CNOT6: variants seen among roughly 807,000 people sequenced by gnomAD.
The protein encoded by CNOT6 is carbon catabolite repression 4 protein.
CNOT6 carries 12 observed loss-of-function variants against 61.2 expected under a neutral mutation model. The ratio of observed to expected loss-of-function variants is 0.20; its 90% confidence interval spans 0.13 to 0.32. The LOEUF is 0.32. Ranked by LOEUF, CNOT6 falls within the 10% of genes least tolerant of loss-of-function variation. The pLI, the probability that CNOT6 is intolerant of heterozygous loss-of-function variation, is 1.00. For synonymous variants in CNOT6, 225 were observed against 240.6 expected (o/e 0.94, Z 0.60); for missense variants, 405 against 663.9 (o/e 0.61, Z 4.28).
At chr5:180,496,324 T>G (rs1756613549) in intron 1 of CNOT6, among the ~76,000 whole-genome samples, 1 of 152,180 alleles carries the variant, frequency 6.6e-6, no homozygotes. Context: ...GAACAGCTGC[T>G]AATGAGAAGA....
Position 180,576,515 on chromosome 5 carries a change from A to G in CNOT6, c.*2315A>G, listed in dbSNP as rs910943202. The G allele has an allele frequency of 2.6e-5, 4 of 152,634 alleles. No individual in the cohort carries two copies. The highest frequency in any genetic ancestry group is 9.6e-5 in the African/African-American group (4 of 41,454). 9.5% of individuals were successfully genotyped at this position (152,634 alleles called of 1,614,324 possible). On this transcript the variant is annotated 3_prime_UTR_variant, in exon 12 of 12. Coordinates refer to ENST00000261951, the MANE Select transcript of CNOT6 (RefSeq NM_001370472.1). Reference sequence around the variant, plus strand: ...ATTTGGGGCAGCATATTAAGATGTAATGGCCTGTTATGTCTTGAAAATACT... The same window carrying G: ...ATTTGGGGCAGCATATTAAGATGTAGTGGCCTGTTATGTCTTGAAAATACT...
At chr5:180,510,134 C>CTTTTTTTTTTTTTTTT (rs56899929) in intron 1 of CNOT6, among the ~76,000 whole-genome samples, 4 of 37,368 alleles carry the variant, frequency 1.1e-4, no homozygotes, top group Admixed American at 5.5e-4. Context: ...GTCTGTAAAC[C>CTTTTTTTTTTTTTTTT]TTTTTTTTTT....
Position 180,565,914 on chromosome 5 carries a change from C to T in CNOT6, c.654C>T (p.Asp218=), listed in dbSNP as rs1293926265. 3 of 1,613,746 alleles carry T rather than the reference C, an allele frequency of 1.9e-6. No individual in the cohort carries two copies. Among genetic ancestry groups the T allele is most frequent in the Admixed American group, 3.3e-5 (2 of 59,982 alleles). The change falls in exon 7 of 12, where the codon GAC becomes GAT. Residue 218 remains aspartate (D), a synonymous_variant. Coordinates refer to ENST00000261951, the MANE Select transcript of CNOT6 (RefSeq NM_001370472.1). ...GYCPSWALNW[D]YRKKAIIQEI... ...GTCCATCATGGGCGCTAAACTGGGA[C>T]TACAGGAAAAAGGCCATTATTCAAG...
At chr5:180,506,980 A>G (rs1757159563) in intron 1 of CNOT6, among the ~76,000 whole-genome samples, 2 of 152,346 alleles carry the variant, frequency 1.3e-5, no homozygotes, top group South Asian at 2.1e-4. Context: ...AACAGTAGAC[A>G]TGTTTTCGAG....
chr5:180,510,274 C>G (rs1263501027), intron 1 of CNOT6, among the ~76,000 whole-genome samples: 6 of 150,624 alleles, frequency 4.0e-5, no homozygotes, highest in Non-Finnish European at 8.8e-5. Flanking sequence ...AGCCTATCCT[C>G]CTACCTCAGC....
chr5:180,562,260 G>A (rs1180058960), intron 4 of CNOT6, among the ~76,000 whole-genome samples: 1 of 152,120 alleles, frequency 6.6e-6, no homozygotes, highest in Non-Finnish European at 1.5e-5. Context: ...GCTTTTAGTT[G>A]TACCTAGTGG....
chr5:180,562,576 TA>T (rs1417668483), intron 4 of CNOT6, among the ~76,000 whole-genome samples: 1 of 151,870 alleles, frequency 6.6e-6, no homozygotes, highest in Non-Finnish European at 1.5e-5. Flanking sequence ...CTGTCTCTAC[TA>T]AAAATACAAA....
At chr5:180,565,739 T>A in intron 6 of CNOT6, 81 bp from the exon 7 acceptor site, 1 of 1,322,722 alleles carries the variant, frequency 7.6e-7, no homozygotes, top group Non-Finnish European at 1.0e-6. Context: ...AACTTAACAT[T>A]TAAGTGAAAA....
At chr5:180,538,686 G>GTATATATATATATA (rs59342527) in intron 2 of CNOT6, among the ~76,000 whole-genome samples, 1,613 of 84,446 alleles carry the variant, frequency 0.019, 38 homozygotes, top group East Asian at 0.042. Context: ...TGAGAAAAAG[G>GTATATATATATATA]TATATATATA....
chr5:180,503,687 C>G (rs1367109158), intron 1 of CNOT6, among the ~76,000 whole-genome samples: 1 of 143,474 alleles, frequency 7.0e-6, no homozygotes, highest in Non-Finnish European at 1.5e-5. Context: ...CTTACTGTGA[C>G]CTCTGCATCC....
At chr5:180,557,111 A>G (rs926681522) in intron 4 of CNOT6, among the ~76,000 whole-genome samples, 6 of 152,230 alleles carry the variant, frequency 3.9e-5, no homozygotes, top group African/African-American at 1.4e-4. Flanking sequence ...AGTCTATGAT[A>G]TAAATGTCTC....
Position 180,503,215 on chromosome 5 carries a change from A to G in CNOT6, c.-3+8452A>G, listed in dbSNP as rs543966030. ...CATTAAAGATGATTGTAAACCCATC[A>G]TTTCAAGCCAGGACTTGATGCAGGT... On this transcript the variant is annotated intron_variant, in intron 1 of 11. Coordinates refer to ENST00000261951, the MANE Select transcript of CNOT6 (RefSeq NM_001370472.1). 4.0e-5 allele frequency among the ~76,000 whole-genome samples: 6 copies of G among 150,900 alleles called. No homozygotes were observed. The South Asian group carries it at 1.0e-3, about 26-fold the overall frequency.
chr5:180,574,275 G>A lies in CNOT6; in HGVS notation c.*75G>A. 1.7e-6 allele frequency: 2 copies of A among 1,211,694 alleles called. No homozygotes were observed. Among genetic ancestry groups the A allele is most frequent in the Middle Eastern group, 1.9e-4 (1 of 5,214 alleles). The allele number at this position is 1,211,694 out of a possible 1,614,324, so 75.1% of individuals were successfully genotyped here. A position where few individuals can be genotyped will look rare whatever the true frequency, so the allele number is the denominator to read the frequency against. ...TCTGAACATAGGGGAGTGAGGTATG[G>A]CCACTGAGGATTTTTGCTTGCTTAA... On this transcript the variant is annotated 3_prime_UTR_variant, in exon 12 of 12. Transcript: ENST00000261951.
rs1017869940 is a variant in CNOT6 at position 180,575,786 on chromosome 5, C to A, written c.*1586C>A. On this transcript the variant is annotated 3_prime_UTR_variant, in exon 12 of 12. Transcript: ENST00000261951. ...GGTCAAACTGCTTTTGTTTCAACTG[C>A]AGGCAGGGGAGCAAAAGGACGCCAT... 6.6e-6 allele frequency: 1 copy of A among 152,400 alleles called. No homozygotes were observed. Among genetic ancestry groups the A allele is most frequent in the Non-Finnish European group, 1.5e-5 (1 of 68,002 alleles). The allele number at this position is 152,400 out of a possible 1,614,324, so 9.4% of individuals were successfully genotyped here.
intron 1 of CNOT6, among the ~76,000 whole-genome samples, chr5:180,497,126 G>C (rs543756859): frequency 1.3e-5 from 2 of 152,168 alleles, no homozygotes; most frequent in East Asian, 3.9e-4. Context: ...TCAGGAGTTC[G>C]AGGCAAGCCT....
intron 6 of CNOT6, among the ~76,000 whole-genome samples, chr5:180,565,041 G>A (rs768398412): frequency 5.9e-5 from 9 of 152,232 alleles, no homozygotes; most frequent in Non-Finnish European, 1.5e-5. Flanking sequence ...TGCTGCTGGC[G>A]TCTGGTGGAT....
chr5:180,560,694 G>C (rs537954256), intron 4 of CNOT6, among the ~76,000 whole-genome samples: 6 of 152,220 alleles, frequency 3.9e-5, no homozygotes, highest in Admixed American at 2.6e-4. Context: ...GATGTGTCTT[G>C]CTGTGGATTC....
intron 1 of CNOT6, among the ~76,000 whole-genome samples, chr5:180,498,476 G>T (rs963599758): frequency 7.9e-5 from 12 of 152,292 alleles, no homozygotes; most frequent in Middle Eastern, 3.4e-3. Flanking sequence ...CCAAACTGGG[G>T]AGAGGGAGTC....
At chr5:180,518,091 T>C (rs1757728350) in intron 1 of CNOT6, among the ~76,000 whole-genome samples, 2 of 152,260 alleles carry the variant, frequency 1.3e-5, no homozygotes, top group East Asian at 3.8e-4. Flanking sequence ...GAAAGGATTA[T>C]GTTATCTCTC....
Sources: gnomAD v4.1 joint callset for allele counts (sites outside exome capture counted in the v4.1 genomes callset) on GRCh38, gnomAD v4.1.1 for gene constraint, MANE v1.5 for transcripts, NCBI Gene and HGNC (gene_info 2026-07-23, HGNC 2026-07-21) for gene names.